Variants in RASAL2 observed in about 807,000 individuals in gnomAD.
The protein encoded by RASAL2 is ras GTPase-activating protein nGAP.
In RASAL2, 58 loss-of-function variants were observed where a neutral mutation model predicts 128.9. The observed-to-expected ratio is 0.45, with a 90% CI of 0.36 to 0.56. RASAL2 has a LOEUF of 0.56. Ranked by LOEUF, RASAL2 falls within the 20% of genes least tolerant of loss-of-function variation. RASAL2 has a pLI of 0.00. For synonymous variants in RASAL2, 561 were observed against 580.8 expected, an observed-to-expected ratio of 0.97 and a Z score of 0.49; for missense variants, 1,360 against 1,601.6, an observed-to-expected ratio of 0.85 and a Z score of 2.57.
In RASAL2 at chr1:178,167,329, A is replaced by T. The variant is rs575579268; in HGVS notation, c.202+72635A>T. On this transcript the variant is annotated intron_variant, in intron 1 of 17. Transcript: ENST00000367649. ...ACTGTGAAACTTCTTCATATAAGTG[A>T]TTTTACTTGTCTTATTTGTTGATAT... Among the ~76,000 whole-genome samples the T allele has an allele frequency of 2.0e-5, 3 of 152,218 alleles. No individual in the cohort carries two copies. In the East Asian group the frequency reaches 5.8e-4, roughly 29 times the overall value.
chr1:178,370,466 C>G (rs1671636138), intron 3 of RASAL2, among the ~76,000 whole-genome samples: 2 of 152,172 alleles, frequency 1.3e-5, no homozygotes, highest in South Asian at 4.1e-4. Context: ...TATTTTTGTA[C>G]TACTTCTCAA....
intron 1 of RASAL2, among the ~76,000 whole-genome samples, chr1:178,144,183 T>C (rs1440388047): frequency 6.6e-6 from 1 of 152,158 alleles, no homozygotes; most frequent in Non-Finnish European, 1.5e-5. Context: ...GTCCTCCTAC[T>C]TAACCTCTCT....
intron 1 of RASAL2, among the ~76,000 whole-genome samples, chr1:178,184,705 T>G (rs1401404859): frequency 1.3e-5 from 2 of 152,120 alleles, no homozygotes. Flanking sequence ...TACTATGCTC[T>G]CTTGATTACT....
intron 1 of RASAL2, among the ~76,000 whole-genome samples, chr1:178,209,315 T>G (rs1663172637): frequency 6.6e-6 from 1 of 152,326 alleles, no homozygotes; most frequent in South Asian, 2.1e-4. Context: ...ATATCATTTC[T>G]TTCTCTTTCT....
At chr1:178,102,479 C>G (rs993786214) in intron 1 of RASAL2, among the ~76,000 whole-genome samples, 5 of 152,104 alleles carry the variant, frequency 3.3e-5, no homozygotes, top group Non-Finnish European at 5.9e-5. Flanking sequence ...ACCTCAGCCT[C>G]CCGAATAACT....
intron 3 of RASAL2, among the ~76,000 whole-genome samples, chr1:178,318,215 A>C (rs928123157): frequency 1.3e-5 from 2 of 149,998 alleles, no homozygotes; most frequent in African/African-American, 4.9e-5. Flanking sequence ...ACTTCCAACT[A>C]TGTGGTCAAT....
chr1:178,116,862 C>T (rs927685216), intron 1 of RASAL2, among the ~76,000 whole-genome samples: 8 of 152,162 alleles, frequency 5.3e-5, no homozygotes, highest in South Asian at 2.1e-4. Context: ...CGCCTGCCTC[C>T]GCCTCCCAAA....
chr1:178,277,170 A>AC (rs1666560006), intron 1 of RASAL2, among the ~76,000 whole-genome samples: 1 of 150,192 alleles, frequency 6.7e-6, no homozygotes, highest in Non-Finnish European at 1.5e-5. Flanking sequence ...AAAAAAAAAA[A>AC]CCAAAAACTT....
chr1:178,285,419 C>G (rs553919581), intron 2 of RASAL2, among the ~76,000 whole-genome samples: 1 of 152,082 alleles, frequency 6.6e-6, no homozygotes, highest in Non-Finnish European at 1.5e-5. Flanking sequence ...CGCGCCCGGC[C>G]GGCATTGCTA....
intron 3 of RASAL2, among the ~76,000 whole-genome samples, chr1:178,328,590 A>G (rs985180754): frequency 6.6e-6 from 1 of 152,232 alleles, no homozygotes; most frequent in Non-Finnish European, 1.5e-5. Flanking sequence ...TTATAAATGT[A>G]AAGAAACAAT....
intron 1 of RASAL2, among the ~76,000 whole-genome samples, chr1:178,209,644 AT>A (rs1453520951): frequency 6.6e-6 from 1 of 151,748 alleles, no homozygotes; most frequent in Non-Finnish European, 1.5e-5. Context: ...CTTGTATTTC[AT>A]TTCTGGATAA....
At chr1:178,234,594 C>A (rs1444876983) in intron 1 of RASAL2, among the ~76,000 whole-genome samples, 1 of 152,066 alleles carries the variant, frequency 6.6e-6, no homozygotes, top group East Asian at 1.9e-4. Flanking sequence ...ATTTTTTTAA[C>A]TGATTGCCTT....
intron 3 of RASAL2, among the ~76,000 whole-genome samples, chr1:178,385,842 G>A (rs890974226): frequency 6.6e-6 from 1 of 152,086 alleles, no homozygotes; most frequent in Non-Finnish European, 1.5e-5. Context: ...CCCTCTACCT[G>A]TAGTCTTCTT....
chr1:178,409,856 A>G (rs187900450), intron 4 of RASAL2, among the ~76,000 whole-genome samples: 1 of 152,228 alleles, frequency 6.6e-6, no homozygotes, highest in African/African-American at 2.4e-5. Flanking sequence ...GACTCAGTAC[A>G]TGGTTGGTCC....
intron 1 of RASAL2, among the ~76,000 whole-genome samples, chr1:178,100,528 A>T (rs1040157834): frequency 3.8e-4 from 48 of 126,258 alleles, no homozygotes; most frequent in South Asian, 7.0e-4. Context: ...AGTCTCAAAT[A>T]AAAAAAAAAA....
chr1:178,405,891 TATAAG>T (rs1673971579), intron 4 of RASAL2, among the ~76,000 whole-genome samples: 1 of 152,232 alleles, frequency 6.6e-6, no homozygotes, highest in African/African-American at 2.4e-5. Context: ...ACTATGGTTA[TATAAG>T]ATAATAACAT....
At chr1:178,271,246 G>A (rs1385555109) in intron 1 of RASAL2, among the ~76,000 whole-genome samples, 6 of 152,080 alleles carry the variant, frequency 3.9e-5, no homozygotes, top group Non-Finnish European at 1.5e-5. Flanking sequence ...TCTTAACCTA[G>A]GATTCTGTTA....
At chr1:178,107,697 C>T (rs1379091203) in intron 1 of RASAL2, among the ~76,000 whole-genome samples, 1 of 152,128 alleles carries the variant, frequency 6.6e-6, no homozygotes, top group African/African-American at 2.4e-5. Flanking sequence ...CTAGGTACCT[C>T]ATATAGGTGA....
At chr1:178,176,989 TC>T (rs1314146586) in intron 1 of RASAL2, among the ~76,000 whole-genome samples, 1 of 152,166 alleles carries the variant, frequency 6.6e-6, no homozygotes, top group Non-Finnish European at 1.5e-5. Context: ...GGATTCTATT[TC>T]AGGGATTCTT....
Sources: allele counts gnomAD v4.1 joint callset (sites outside exome capture counted in the v4.1 genomes callset), GRCh38; gene constraint gnomAD v4.1.1; transcripts MANE v1.5; gene names NCBI Gene and HGNC (gene_info 2026-07-23, HGNC 2026-07-21).